The following DENND5B variants were observed in gnomAD, a reference collection of about 807,000 sequenced individuals.
DENND5B encodes the protein DENN domain-containing protein 5B.
DENND5B carries 34 observed loss-of-function variants against 140.6 expected under a neutral mutation model. The observed-to-expected ratio is 0.24, with a 90% CI of 0.18 to 0.32. DENND5B has a LOEUF of 0.32. Among genes scored for constraint, DENND5B ranks in the 10% least tolerant of loss-of-function variants. DENND5B has a pLI of 1.00. For missense variants in DENND5B, 1,142 were observed against 1,560.2 expected (o/e 0.73, Z 4.52); for synonymous variants, 551 against 562.1 (o/e 0.98, Z 0.28).
chr12:31,389,275 T>C (rs775643939), intron 20 of DENND5B, 49 bp downstream of exon 20: 11 of 1,553,622 alleles, frequency 7.1e-6, no homozygotes, highest in East Asian at 2.3e-5. Flanking sequence ...TTCTGGACTC[T>C]AGTTCAACAT....
intron 1 of DENND5B, among the ~76,000 whole-genome samples, chr12:31,550,265 C>A (rs1949002513): frequency 7.5e-6 from 1 of 132,800 alleles, no homozygotes; most frequent in Non-Finnish European, 1.5e-5. Flanking sequence ...CTTCCTGTGT[C>A]CATGTGTTCT....
intron 1 of DENND5B, among the ~76,000 whole-genome samples, chr12:31,540,566 A>C (rs953308621): frequency 6.6e-6 from 1 of 152,032 alleles, no homozygotes; most frequent in Non-Finnish European, 1.5e-5. Context: ...AGGCACAAGA[A>C]TCGCTTGAAC....
intron 7 of DENND5B, among the ~76,000 whole-genome samples, chr12:31,440,970 A>G (rs1173836064): frequency 6.6e-6 from 1 of 152,170 alleles, no homozygotes; most frequent in Non-Finnish European, 1.5e-5. Flanking sequence ...TCCTGGCCTC[A>G]AGTGATACAC....
chr12:31,416,919 T>C (rs970468344), intron 11 of DENND5B, among the ~76,000 whole-genome samples: 2 of 136,540 alleles, frequency 1.5e-5, no homozygotes, highest in Non-Finnish European at 3.2e-5. Flanking sequence ...TTTTTTTAAT[T>C]AGCTTTTTTT....
chr12:31,469,537 C>A (rs1269666205), intron 3 of DENND5B, among the ~76,000 whole-genome samples: 1 of 152,016 alleles, frequency 6.6e-6, no homozygotes, highest in South Asian at 2.1e-4. Flanking sequence ...AAAGTGCTTT[C>A]TTGAGTTCTG....
At chr12:31,403,897 CAAAAAAAAAAAAA>C (rs751708684) in intron 14 of DENND5B, among the ~76,000 whole-genome samples, 3 of 36,398 alleles carry the variant, frequency 8.2e-5, no homozygotes, top group African/African-American at 1.4e-4. Flanking sequence ...ACTCCATCTC[CAAAAAAAAAAAAA>C]AAAAAAAAAA....
At position 31,425,959 on chromosome 12, in the gene DENND5B, C is replaced by T. The variant is rs868558981; in HGVS notation, c.2238+334G>A. ...ATAAGGTTGTACACAGGTGCATACACAGACACAAAAGTGTTGCCTTTCACA... is the reference window on the plus strand; with the variant it reads ...ATAAGGTTGTACACAGGTGCATACATAGACACAAAAGTGTTGCCTTTCACA... On this transcript the variant is annotated intron_variant, in intron 9 of 20. Transcript: ENST00000389082. Among the ~76,000 whole-genome samples, 4 of 152,138 alleles carry T rather than the reference C, an allele frequency of 2.6e-5. No homozygotes were observed. In the South Asian group the frequency reaches 8.3e-4, roughly 32 times the overall value.
Position 31,413,452 on chromosome 12 carries a change from T to A in DENND5B, c.2665A>T (p.Asn889Tyr). The change falls in exon 13 of 21, where the codon AAC (asparagine) becomes TAC (tyrosine). Residue 889 changes from asparagine to tyrosine, a missense_variant. By Grantham distance (143) the Asn-to-Tyr change is moderately radical (BLOSUM62 -2). Coordinates refer to ENST00000389082, the MANE Select transcript of DENND5B (RefSeq NM_144973.4). The stretch of plus-strand genomic sequence containing the variant: ...GTATCTTACTTGGTGAGTGGTTGGT[T>A]AGAAAGCAACTGCTTAAGATGCTGG... The part of the protein sequence containing the change: ...LSQHLKQLLS[N>Y]QPLTKKLYKR... 6.2e-7 allele frequency: 1 copy of A among 1,613,398 alleles called. No individual in the cohort carries two copies.
intron 1 of DENND5B, among the ~76,000 whole-genome samples, chr12:31,574,287 A>AT (rs1266560550): frequency 1.2e-4 from 17 of 144,282 alleles, no homozygotes; most frequent in African/African-American, 4.1e-4. Flanking sequence ...AATAATAATA[A>AT]TAATAATAAT....
chr12:31,415,057 G>C (rs956197824), intron 12 of DENND5B, among the ~76,000 whole-genome samples: 1 of 152,024 alleles, frequency 6.6e-6, no homozygotes, highest in Non-Finnish European at 1.5e-5. Context: ...TGAGGCTGCA[G>C]GGAGTGGTGA....
intron 1 of DENND5B, among the ~76,000 whole-genome samples, chr12:31,562,919 C>T (rs569889110): frequency 5.1e-4 from 52 of 101,018 alleles, no homozygotes; most frequent in Middle Eastern, 6.6e-3. Context: ...AACTGCTTTC[C>T]TTTTTCCTTT....
At chr12:31,500,947 T>C (rs962315039) in intron 1 of DENND5B, among the ~76,000 whole-genome samples, 7 of 152,160 alleles carry the variant, frequency 4.6e-5, no homozygotes, top group African/African-American at 1.2e-4. Flanking sequence ...GAGTAACCTA[T>C]AGTATATCTG....
intron 5 of DENND5B, among the ~76,000 whole-genome samples, chr12:31,448,519 C>T (rs144834147): frequency 1.3e-5 from 2 of 152,156 alleles, no homozygotes; most frequent in Non-Finnish European, 2.9e-5. Context: ...TTAACTGATA[C>T]AATAAACACA....
intron 1 of DENND5B, among the ~76,000 whole-genome samples, chr12:31,558,717 T>G (rs1949379151): frequency 6.6e-6 from 1 of 152,338 alleles, no homozygotes; most frequent in South Asian, 2.1e-4. Flanking sequence ...CCTAAAGGAC[T>G]GGCTTAATTT....
At chr12:31,521,999 CTATT>C (rs1359277696) in intron 1 of DENND5B, among the ~76,000 whole-genome samples, 2 of 152,210 alleles carry the variant, frequency 1.3e-5, no homozygotes, top group Non-Finnish European at 2.9e-5. Flanking sequence ...CTCTTCAATT[CTATT>C]TACTACCCTT....
intron 3 of DENND5B, among the ~76,000 whole-genome samples, chr12:31,475,167 G>T (rs910366481): frequency 5.3e-5 from 8 of 152,026 alleles, no homozygotes; most frequent in Admixed American, 5.2e-4. Flanking sequence ...TTAAATGTAG[G>T]GAAAAGATCC....
chr12:31,565,810 G>C (rs1949606382), intron 1 of DENND5B, among the ~76,000 whole-genome samples: 2 of 152,210 alleles, frequency 1.3e-5, no homozygotes, highest in South Asian at 4.1e-4. Context: ...ATGATTGCCA[G>C]CTGCAAACTA....
intron 15 of DENND5B, among the ~76,000 whole-genome samples, chr12:31,402,248 G>C (rs980284454): frequency 8.7e-6 from 1 of 114,708 alleles, no homozygotes; most frequent in Non-Finnish European, 2.2e-5. Flanking sequence ...GAAAATAGTA[G>C]GAGAAGACCT....
chr12:31,464,570 T>C (rs569126129), intron 3 of DENND5B, among the ~76,000 whole-genome samples: 13 of 152,298 alleles, frequency 8.5e-5, no homozygotes, highest in African/African-American at 3.1e-4. Flanking sequence ...TTTTATTTAT[T>C]TATTTTTGGA....
Sources: allele counts gnomAD v4.1 joint callset (sites outside exome capture counted in the v4.1 genomes callset), GRCh38; gene constraint gnomAD v4.1.1; transcripts MANE v1.5; gene names NCBI Gene and HGNC (gene_info 2026-07-23, HGNC 2026-07-21).